The following KLHL29 variants were observed in gnomAD, a reference collection of about 807,000 sequenced individuals.
KLHL29 encodes the protein kelch like family member 29, also known as kelch-like protein 29.
KLHL29 carries 21 observed loss-of-function variants against 80.4 expected under a neutral mutation model. The ratio of observed to expected loss-of-function variants is 0.26; its 90% CI spans 0.19 to 0.38. The LOEUF is 0.38. KLHL29 is among the 10% of genes least tolerant of loss of function. The pLI is 1.00. For synonymous variants in KLHL29, 511 were observed against 526.8 expected (o/e 0.97, Z 0.41); for missense variants, 867 against 1,223.9 (o/e 0.71, Z 4.35).
chr2:23,421,907 C>T (rs1443473326), intron 1 of KLHL29, among the ~76,000 whole-genome samples: 1 of 151,174 alleles, frequency 6.6e-6, no homozygotes, highest in Non-Finnish European at 1.5e-5. Flanking sequence ...GTGTTTGTGT[C>T]AGTTTATCTG....
At chr2:23,549,296 CAGAA>C (rs556265348) in intron 2 of KLHL29, among the ~76,000 whole-genome samples, 14 of 152,308 alleles carry the variant, frequency 9.2e-5, no homozygotes, top group Non-Finnish European at 2.1e-4. Flanking sequence ...TAAAAATAAA[CAGAA>C]AGGCAACAAA....
chr2:23,707,048 C>A lies in KLHL29; in HGVS notation c.*384C>A. ...TCAGTTATCTTATGACAACATTAGG[C>A]ATCAGGCTCTCTTGGAATAAGATCA... On this transcript the variant is annotated 3_prime_UTR_variant, in exon 14 of 14. Transcript: ENST00000486442. The A allele has an allele frequency of 6.1e-6, 1 of 163,250 alleles. No homozygotes were observed. Among genetic ancestry groups the A allele is most frequent in the Non-Finnish European group, 1.3e-5 (1 of 75,680 alleles). 10.1% of individuals were successfully genotyped at this position (163,250 alleles called of 1,614,324 possible).
chr2:23,428,867 G>A (rs1663080004), intron 1 of KLHL29, among the ~76,000 whole-genome samples: 1 of 152,216 alleles, frequency 6.6e-6, no homozygotes. Flanking sequence ...GCTTTGCAAT[G>A]TCCCAGCCTT....
intron 2 of KLHL29, among the ~76,000 whole-genome samples, chr2:23,529,650 G>A (rs1453019392): frequency 6.6e-6 from 1 of 152,074 alleles, no homozygotes; most frequent in Non-Finnish European, 1.5e-5. Flanking sequence ...CCGAAGAGGC[G>A]AGTGAGGGCA....
At chr2:23,498,551 G>A (rs1280012571) in intron 2 of KLHL29, among the ~76,000 whole-genome samples, 2 of 152,226 alleles carry the variant, frequency 1.3e-5, no homozygotes, top group Non-Finnish European at 2.9e-5. Flanking sequence ...CGGGGTTGGG[G>A]AGCAGACTGG....
intron 1 of KLHL29, among the ~76,000 whole-genome samples, chr2:23,397,229 C>T (rs1666473655): frequency 1.3e-5 from 2 of 152,238 alleles, no homozygotes; most frequent in South Asian, 4.1e-4. Flanking sequence ...GCAGGGGCTC[C>T]AGCCCCAGTT....
intron 6 of KLHL29, chr2:23,685,315 C>T (rs1187888478): frequency 6.6e-6 from 1 of 152,220 alleles, no homozygotes; most frequent in African/African-American, 2.4e-5. Context: ...TCAGGGGCCA[C>T]CTTCCAGCTC....
chr2:23,517,256 C>G lies in KLHL29; in HGVS notation c.-46+41589C>G, dbSNP rs1665962572. 2.6e-5 allele frequency among the ~76,000 whole-genome samples: 4 copies of G among 152,210 alleles called. No individual in the cohort carries two copies. The South Asian group carries it at 8.3e-4, about 32-fold the overall frequency. ...TTTGACAGAAACTTTTAAAAACAAC[C>G]TAACTAGGCTGGGCGCGGTGGCTCA... On this transcript the variant is annotated intron_variant, in intron 2 of 13. Transcript: ENST00000486442.
intron 2 of KLHL29, among the ~76,000 whole-genome samples, chr2:23,533,952 G>T (rs62125419): frequency 1.1e-4 from 16 of 145,416 alleles, no homozygotes; most frequent in Non-Finnish European, 2.3e-4. Context: ...TTTTTTTAAA[G>T]AAACGTGTGC....
At chr2:23,453,017 G>A (rs1045521555) in intron 1 of KLHL29, among the ~76,000 whole-genome samples, 4 of 151,348 alleles carry the variant, frequency 2.6e-5, no homozygotes, top group Non-Finnish European at 5.9e-5. Flanking sequence ...TCTTTTCCAT[G>A]TCTGGGTCTG....
chr2:23,650,607 C>A (rs1445005285), intron 5 of KLHL29, among the ~76,000 whole-genome samples: 1 of 152,180 alleles, frequency 6.6e-6, no homozygotes, highest in Non-Finnish European at 1.5e-5. Flanking sequence ...AAGGTGAAGA[C>A]CTCCTTGATT....
intron 3 of KLHL29, among the ~76,000 whole-genome samples, chr2:23,629,188 C>T (rs1179524154): frequency 1.3e-5 from 2 of 152,138 alleles, no homozygotes; most frequent in Admixed American, 6.5e-5. Flanking sequence ...TGAGAGGTGC[C>T]CCTCGCGCTC....
chr2:23,432,498 A>C (rs1663208139), intron 1 of KLHL29, among the ~76,000 whole-genome samples: 2 of 152,252 alleles, frequency 1.3e-5, no homozygotes, highest in South Asian at 4.1e-4. Context: ...ACAGTGCCTG[A>C]GACAAGGTCC....
intron 1 of KLHL29, among the ~76,000 whole-genome samples, chr2:23,456,271 G>A (rs561455014): frequency 2.0e-5 from 3 of 152,350 alleles, no homozygotes; most frequent in African/African-American, 7.2e-5. Flanking sequence ...CCAAGGCAGA[G>A]AAGACTGCCG....
intron 2 of KLHL29, among the ~76,000 whole-genome samples, chr2:23,480,428 A>G (rs912454647): frequency 1.3e-5 from 2 of 152,102 alleles, no homozygotes; most frequent in Admixed American, 1.3e-4. Flanking sequence ...TGGAGGTTGC[A>G]GTGAGCTGAG....
chr2:23,430,987 A>G (rs1663159831), intron 1 of KLHL29, among the ~76,000 whole-genome samples: 1 of 152,158 alleles, frequency 6.6e-6, no homozygotes, highest in African/African-American at 2.4e-5. Context: ...ATATCCCTAC[A>G]CTGAAAGGAT....
chr2:23,562,042 A>T lies in KLHL29; in HGVS notation c.-45-110A>T. 1.4e-6 allele frequency: 1 copy of T among 737,008 alleles called. No individual in the cohort carries two copies. Among genetic ancestry groups the T allele is most frequent in the Non-Finnish European group, 2.2e-6 (1 of 453,444 alleles). 45.7% of individuals were successfully genotyped at this position (737,008 alleles called of 1,614,324 possible). A position where few individuals can be genotyped will look rare whatever the true frequency, so the allele number is the denominator to read the frequency against. ...GGCTAGCGTGACTCTGAAATGAGCT[A>T]ATGTTTGAAGGCCTGTTATTGAACC... On this transcript the variant is annotated intron_variant, in intron 2 of 13. Transcript: ENST00000486442. The surrounding 1 kb of genome is among the most constrained non-coding windows in gnomAD (Gnocchi z 4.5).
intron 3 of KLHL29, among the ~76,000 whole-genome samples, chr2:23,624,796 A>T (rs967655736): frequency 6.6e-6 from 1 of 152,194 alleles, no homozygotes; most frequent in East Asian, 1.9e-4. Context: ...GGGTCCCCTA[A>T]AAGTACTAAT....
chr2:23,590,600 A>ATG (rs545697213), intron 3 of KLHL29, among the ~76,000 whole-genome samples: 2 of 152,142 alleles, frequency 1.3e-5, no homozygotes, highest in Non-Finnish European at 2.9e-5. Flanking sequence ...GGTCCTGAGC[A>ATG]TGGCCCAGTG....
Sources: gnomAD v4.1 joint callset for allele counts (sites outside exome capture counted in the v4.1 genomes callset) on GRCh38, gnomAD v4.1.1 for gene constraint, Gnocchi (gnomAD v3.1) non-coding constraint, MANE v1.5 for transcripts, NCBI Gene and HGNC (gene_info 2026-07-23, HGNC 2026-07-21) for gene names.